Variants in DPP10 observed in about 807,000 individuals in gnomAD.
DPP10 encodes the protein inactive dipeptidyl peptidase 10.
A neutral mutation model predicts 120.9 loss-of-function variants in DPP10; 33 were observed. The observed-to-expected ratio is 0.27, with a 90% CI of 0.21 to 0.37. DPP10 has a LOEUF of 0.37. DPP10 is among the 10% of genes least tolerant of loss of function. The pLI is 1.00. For missense variants in DPP10, 816 were observed against 942.8 expected, an observed-to-expected ratio of 0.87 and a Z score of 1.76; for synonymous variants, 337 against 326.1, an observed-to-expected ratio of 1.03 and a Z score of -0.36.
chr2:115,325,121 C>A (rs2062283120), intron 2 of DPP10, among the ~76,000 whole-genome samples: 1 of 152,060 alleles, frequency 6.6e-6, no homozygotes, highest in Non-Finnish European at 1.5e-5. Context: ...AAGTTTGACA[C>A]AGAGACATGA....
intron 13 of DPP10, among the ~76,000 whole-genome samples, chr2:115,773,293 T>C (rs1681694700): frequency 6.6e-6 from 1 of 152,160 alleles, no homozygotes; most frequent in African/African-American, 2.4e-5. Context: ...CATGCAGGGT[T>C]AAACTTGTAT....
In DPP10 at chr2:114,970,492, A is replaced by G. The variant is rs80324979; in HGVS notation, c.61-338747A>G. On this transcript the variant is annotated intron_variant, in intron 1 of 25. Coordinates refer to ENST00000410059, the MANE Select transcript of DPP10 (RefSeq NM_020868.6). ...AAATGATAGGTTGTTTGCCACATTG[A>G]GGAGAAATAGGGACACATCATATGC... 7.9e-3 allele frequency among the ~76,000 whole-genome samples: 1,197 copies of G among 152,266 alleles called. 22 individuals are homozygous for G. Among genetic ancestry groups the G allele is most frequent in the African/African-American group, 0.027 (1,129 of 41,558 alleles).
intron 3 of DPP10, among the ~76,000 whole-genome samples, chr2:115,425,936 A>G (rs1250208511): frequency 6.6e-6 from 1 of 152,156 alleles, no homozygotes; most frequent in Non-Finnish European, 1.5e-5. Context: ...ACATATACCA[A>G]ACAACTAAAT....
intron 1 of DPP10, among the ~76,000 whole-genome samples, chr2:114,974,531 C>T (rs1297389318): frequency 1.3e-5 from 2 of 151,298 alleles, no homozygotes; most frequent in African/African-American, 4.9e-5. Flanking sequence ...GATTTTCCTG[C>T]CTCAGCCTCC....
In DPP10 at chr2:114,634,533, G is replaced by A. The variant is rs538694640; in HGVS notation, c.60+191695G>A. Among the ~76,000 whole-genome samples, 12 of 151,966 alleles carry A rather than the reference G, an allele frequency of 7.9e-5. No individual in the cohort carries two copies. In the East Asian group the frequency reaches 2.3e-3, roughly 29 times the overall value. On this transcript the variant is annotated intron_variant, in intron 1 of 25. Coordinates refer to ENST00000410059, the MANE Select transcript of DPP10 (RefSeq NM_020868.6). ...TAAACCCTTAGCTACTTTGCAAACG[G>A]CCTATTAAAGTAAGACTGTGGGGGA... is the stretch of plus-strand genomic sequence containing the variant.
chr2:115,138,870 T>C (rs1196427041), intron 1 of DPP10, among the ~76,000 whole-genome samples: 1 of 152,216 alleles, frequency 6.6e-6, no homozygotes, highest in Non-Finnish European at 1.5e-5. Flanking sequence ...ATTTAATTTA[T>C]GTGTATTTCC....
At chr2:115,434,990 T>C (rs1212802234) in intron 3 of DPP10, among the ~76,000 whole-genome samples, 1 of 151,614 alleles carries the variant, frequency 6.6e-6, no homozygotes, top group Non-Finnish European at 1.5e-5. Flanking sequence ...CATCCATGTT[T>C]CTGCAAATGA....
intron 3 of DPP10, among the ~76,000 whole-genome samples, chr2:115,420,039 A>T (rs2069796168): frequency 6.6e-6 from 1 of 152,198 alleles, no homozygotes; most frequent in African/African-American, 2.4e-5. Flanking sequence ...AATGCACTTT[A>T]TATAAAATGC....
At chr2:114,555,908 C>A (rs189229059) in intron 1 of DPP10, among the ~76,000 whole-genome samples, 1 of 151,990 alleles carries the variant, frequency 6.6e-6, no homozygotes, top group African/African-American at 2.4e-5. Flanking sequence ...CAAGTAACAT[C>A]CTATGTGATG....
chr2:114,582,005 G>T (rs907795485), intron 1 of DPP10, among the ~76,000 whole-genome samples: 1 of 152,040 alleles, frequency 6.6e-6, no homozygotes, highest in Admixed American at 6.5e-5. Context: ...TTTCACTCTT[G>T]GTATTGTACA....
At chr2:115,603,473 T>C (rs1321494884) in intron 5 of DPP10, among the ~76,000 whole-genome samples, 1 of 151,534 alleles carries the variant, frequency 6.6e-6, no homozygotes, top group Non-Finnish European at 1.5e-5. Flanking sequence ...AGCAAGGGTG[T>C]AAGCTCAGGC....
At chr2:115,775,054 G>A (rs373398957) in intron 13 of DPP10, among the ~76,000 whole-genome samples, 28 of 152,092 alleles carry the variant, frequency 1.8e-4, no homozygotes, top group East Asian at 5.8e-4. Context: ...GAAGAAATCA[G>A]CAAACACTTA....
chr2:115,748,991 C>T (rs1678364954), intron 10 of DPP10, among the ~76,000 whole-genome samples: 1 of 152,076 alleles, frequency 6.6e-6, no homozygotes, highest in South Asian at 2.1e-4. Context: ...TTATCTTTAC[C>T]TGAATCACAG....
At chr2:114,841,811 G>C (rs985479322) in intron 1 of DPP10, among the ~76,000 whole-genome samples, 1 of 152,122 alleles carries the variant, frequency 6.6e-6, no homozygotes, top group Admixed American at 6.6e-5. Flanking sequence ...TGATCCCTCA[G>C]ATTGAGGTTT....
chr2:115,131,367 G>C (rs1026376454), intron 1 of DPP10, among the ~76,000 whole-genome samples: 1 of 152,014 alleles, frequency 6.6e-6, no homozygotes, highest in Non-Finnish European at 1.5e-5. Flanking sequence ...TAAAAAATTA[G>C]CCAGGCATAT....
intron 1 of DPP10, among the ~76,000 whole-genome samples, chr2:114,901,278 A>G (rs1693544351): frequency 6.6e-6 from 1 of 152,118 alleles, no homozygotes; most frequent in East Asian, 1.9e-4. Context: ...GCTCACTGCA[A>G]GCTCCACCTC....
At chr2:115,095,291 T>C (rs943168249) in intron 1 of DPP10, among the ~76,000 whole-genome samples, 1 of 152,134 alleles carries the variant, frequency 6.6e-6, no homozygotes, top group Non-Finnish European at 1.5e-5. Context: ...AAAAAGTTAG[T>C]GGAGTTCAAA....
At chr2:115,084,417 C>T (rs145650799) in intron 1 of DPP10, among the ~76,000 whole-genome samples, 2 of 152,274 alleles carry the variant, frequency 1.3e-5, no homozygotes, top group East Asian at 3.9e-4. Context: ...CATTCTATTG[C>T]CTCAGGGAAA....
At chr2:114,578,607 C>G (rs906968061) in intron 1 of DPP10, among the ~76,000 whole-genome samples, 1 of 152,126 alleles carries the variant, frequency 6.6e-6, no homozygotes, top group Non-Finnish European at 1.5e-5. Flanking sequence ...ACTTAGCTCA[C>G]GACAGAAGGA....
Sources: gnomAD v4.1 joint callset for allele counts (sites outside exome capture counted in the v4.1 genomes callset) on GRCh38, gnomAD v4.1.1 for gene constraint, MANE v1.5 for transcripts, NCBI Gene and HGNC (gene_info 2026-07-23, HGNC 2026-07-21) for gene names.